Variants in ELOVL6 observed in about 807,000 individuals in gnomAD.
ELOVL6 encodes ELOVL fatty acid elongase 6.
A neutral mutation model predicts 31.7 loss-of-function variants in ELOVL6; 8 were observed. The ratio of observed to expected loss-of-function variants is 0.25; its 90% CI spans 0.15 to 0.45. ELOVL6 has a LOEUF of 0.45. Ranked by LOEUF, ELOVL6 falls within the 20% of genes least tolerant of loss-of-function variation. ELOVL6 has a pLI of 1.00. For synonymous variants in ELOVL6, 101 were observed against 117.7 expected, an observed-to-expected ratio of 0.86 and a Z score of 0.92; for missense variants, 126 against 326.4, an observed-to-expected ratio of 0.39 and a Z score of 4.73.
intron 1 of ELOVL6, among the ~76,000 whole-genome samples, chr4:110,189,953 C>A (rs902698331): frequency 6.8e-6 from 1 of 148,128 alleles, no homozygotes; most frequent in Admixed American, 6.9e-5. Context: ...GGCGACAGAG[C>A]CAGACTCCAT....
At chr4:110,144,736 G>A (rs1343200115) in intron 1 of ELOVL6, among the ~76,000 whole-genome samples, 1 of 152,120 alleles carries the variant, frequency 6.6e-6, no homozygotes, top group African/African-American at 2.4e-5. Context: ...CAATTTGTAA[G>A]CAACTCTTTA....
At chr4:110,150,431 G>C (rs924972908) in intron 1 of ELOVL6, among the ~76,000 whole-genome samples, 1 of 152,006 alleles carries the variant, frequency 6.6e-6, no homozygotes, top group Non-Finnish European at 1.5e-5. Flanking sequence ...CAAACATACT[G>C]GCAATTTCCA....
chr4:110,117,903 A>AAAAAATAT, intron 1 of ELOVL6: 5 of 6,500 alleles, frequency 7.7e-4, no homozygotes, highest in Admixed American at 3.8e-3. Flanking sequence ...AAAAAAAAAA[A>AAAAAATAT]ATATATATAT....
At chr4:110,188,657 G>A (rs1759515976) in intron 1 of ELOVL6, among the ~76,000 whole-genome samples, 2 of 152,088 alleles carry the variant, frequency 1.3e-5, no homozygotes, top group African/African-American at 4.8e-5. Flanking sequence ...GGAGGCCGAG[G>A]TGGGAGGATC....
rs78114837 is a variant in ELOVL6, at chr4:110,099,117, T to A, written c.221+6380A>T. Among the ~76,000 whole-genome samples the A allele has an allele frequency of 1.4e-4, 22 of 152,348 alleles. No individual in the cohort carries two copies. In the East Asian group the frequency reaches 4.0e-3, roughly 28 times the overall value. ...TCACTTGAACAGCTTCAGTTAGTTT[T>A]ATTATATACTTGTTGGCTTTAGAAA... On this transcript the variant is annotated intron_variant, in intron 2 of 3. Coordinates refer to ENST00000302274, the MANE Select transcript of ELOVL6 (RefSeq NM_024090.3).
chr4:110,187,755 G>A (rs1371733174), intron 1 of ELOVL6, among the ~76,000 whole-genome samples: 1 of 151,858 alleles, frequency 6.6e-6, no homozygotes, highest in Non-Finnish European at 1.5e-5. Flanking sequence ...TGCAGTCCCT[G>A]GCACATAGTA....
chr4:110,193,719 T>C (rs73841826), intron 1 of ELOVL6, among the ~76,000 whole-genome samples: 1,766 of 152,316 alleles, frequency 0.012, 37 homozygotes, highest in African/African-American at 0.038. Context: ...AAAATTCCTA[T>C]ACTATCTTAT....
intron 1 of ELOVL6, among the ~76,000 whole-genome samples, chr4:110,172,868 G>A (rs1578278238): frequency 6.6e-6 from 1 of 152,044 alleles, no homozygotes; most frequent in Non-Finnish European, 1.5e-5. Flanking sequence ...GTCACATGCA[G>A]GGGAAAAAGG....
rs189881977 is a variant in ELOVL6, at chr4:110,080,928, G to T, written c.222-21174C>A. On this transcript the variant is annotated intron_variant, in intron 2 of 3. Transcript: ENST00000302274. ...ACAAAATCAATGTGCAAAAATCACA[G>T]GCATTCTTATACACCAACAACAGAC... 8.1e-3 allele frequency among the ~76,000 whole-genome samples: 1,236 copies of T among 152,126 alleles called. 16 individuals carry two copies. The highest frequency in any genetic ancestry group is 0.028 in the African/African-American group (1,143 of 41,482).
rs79047119 is a variant in ELOVL6, at chr4:110,113,721, G to A, written c.90-8093C>T. 5.0e-3 allele frequency among the ~76,000 whole-genome samples: 767 copies of A among 152,238 alleles called. 5 individuals carry two copies. The highest frequency in any genetic ancestry group is 0.018 in the African/African-American group (740 of 41,540). On this transcript the variant is annotated intron_variant, in intron 1 of 3. Transcript: ENST00000302274. ...TTGTTTGAGAGTATTGATTGTTGCAGGTGAGAATTTCCAGGTAACGATCTA... is the reference window on the plus strand; with the variant it reads ...TTGTTTGAGAGTATTGATTGTTGCAAGTGAGAATTTCCAGGTAACGATCTA...
At chr4:110,193,891 A>G (rs1363602586) in intron 1 of ELOVL6, among the ~76,000 whole-genome samples, 2 of 152,156 alleles carry the variant, frequency 1.3e-5, no homozygotes, top group African/African-American at 4.8e-5. Flanking sequence ...GTTCTAGGCA[A>G]GCCCTTTGAA....
chr4:110,065,166 T>C (rs987281691), intron 2 of ELOVL6, among the ~76,000 whole-genome samples: 1 of 152,168 alleles, frequency 6.6e-6, no homozygotes, highest in Admixed American at 6.5e-5. Flanking sequence ...GTGTATATGG[T>C]TGGGAGTTTC....
chr4:110,058,290 G>C (rs921865119), intron 3 of ELOVL6, among the ~76,000 whole-genome samples: 4 of 136,708 alleles, frequency 2.9e-5, no homozygotes, highest in Non-Finnish European at 6.4e-5. Flanking sequence ...GTCTGTTGGA[G>C]GGGGGGAGCG....
chr4:110,164,905 C>T (rs1052048806), intron 1 of ELOVL6, among the ~76,000 whole-genome samples: 5 of 151,958 alleles, frequency 3.3e-5, no homozygotes, highest in Non-Finnish European at 5.9e-5. Flanking sequence ...GTAGCACAAT[C>T]ACAGCTCACT....
Position 110,198,578 on chromosome 4 carries a change from T to C in ELOVL6, c.-243A>G, listed in dbSNP as rs1405506328. 2 of 473,096 alleles carry C rather than the reference T, an allele frequency of 4.2e-6. No individual in the cohort carries two copies. Among genetic ancestry groups the C allele is most frequent in the Middle Eastern group, 5.5e-4 (1 of 1,820 alleles). 29.3% of individuals were successfully genotyped at this position (473,096 alleles called of 1,614,324 possible). On this transcript the variant is annotated 5_prime_UTR_variant, in exon 1 of 4. It removes an upstream start codon present in the reference 5' UTR. Transcript: ENST00000302274. ...GGCTCTCCTCCTCCCGGCGTCCGCA[T>C]CCACCGTAGGAGGAAATGAATGCCT...
chr4:110,100,601 C>T (rs1756713689), intron 2 of ELOVL6, among the ~76,000 whole-genome samples: 1 of 152,140 alleles, frequency 6.6e-6, no homozygotes, highest in African/African-American at 2.4e-5. Context: ...TCCCTGGCTA[C>T]AGTTAAGAGC....
At chr4:110,094,444 A>ATATATAT (rs1756519565) in intron 2 of ELOVL6, among the ~76,000 whole-genome samples, 1 of 32,732 alleles carries the variant, frequency 3.1e-5, no homozygotes, top group Admixed American at 5.7e-4. Flanking sequence ...TATATATATA[A>ATATATAT]TATATATAAC....
intron 1 of ELOVL6, among the ~76,000 whole-genome samples, chr4:110,158,651 ATATATATTTT>A (rs1171251180): frequency 0.023 from 2,047 of 89,590 alleles, 21 homozygotes; most frequent in South Asian, 0.076. Flanking sequence ...ATATATATAT[ATATATATTTT>A]TTTTTTTTTT....
At chr4:110,140,277 ATGAT>A (rs761297374) in intron 1 of ELOVL6, among the ~76,000 whole-genome samples, 14 of 152,192 alleles carry the variant, frequency 9.2e-5, no homozygotes, top group Admixed American at 3.9e-4. Context: ...TGCAACTGCA[ATGAT>A]TGATTGGTGC....
Sources: allele counts gnomAD v4.1 joint callset (sites outside exome capture counted in the v4.1 genomes callset), GRCh38; gene constraint gnomAD v4.1.1; transcripts MANE v1.5; gene names NCBI Gene and HGNC (gene_info 2026-07-23, HGNC 2026-07-21).